Variants in TAF15 observed in about 807,000 individuals in gnomAD.
The protein encoded by TAF15 is TATA-box binding protein associated factor 15.
TAF15 carries 37 observed loss-of-function variants against 102.5 expected under a neutral mutation model. The observed-to-expected ratio is 0.36, with a 90% CI of 0.28 to 0.47. The LOEUF is 0.47. Among genes scored for constraint, TAF15 ranks in the 20% least tolerant of loss-of-function variants. The probability of loss-of-function intolerance (pLI) is 0.99; values close to 1 mark genes in which losing one functional copy is unlikely to be tolerated. For missense variants in TAF15, 652 were observed against 760.7 expected (o/e 0.86, Z 1.68); for synonymous variants, 273 against 259.2 (o/e 1.05, Z -0.51).
intron 11 of TAF15, among the ~76,000 whole-genome samples, 164 bp downstream of exon 11, chr17:35,838,717 C>G (rs974690193): frequency 5.3e-5 from 8 of 152,158 alleles, no homozygotes; most frequent in African/African-American, 1.7e-4. Flanking sequence ...GAGATGAGCT[C>G]TATCGTTGTT....
chr17:35,841,320 A>G (rs1042200743), intron 11 of TAF15, among the ~76,000 whole-genome samples: 2 of 152,198 alleles, frequency 1.3e-5, no homozygotes, highest in Admixed American at 6.5e-5. Context: ...AAATACGTAC[A>G]TGTTACTGCA....
chr17:35,840,738 C>T (rs1019405419), intron 11 of TAF15, among the ~76,000 whole-genome samples: 1 of 151,938 alleles, frequency 6.6e-6, no homozygotes, highest in African/African-American at 2.4e-5. Flanking sequence ...GTGGTGAGCA[C>T]CTGTAATCCC....
chr17:35,816,352 T>C, intron 1 of TAF15, among the ~76,000 whole-genome samples: 1 of 152,170 alleles, frequency 6.6e-6, no homozygotes. Context: ...AAATTAAAAA[T>C]AGCTGGGCGT....
intron 2 of TAF15, chr17:35,818,661 A>G (rs2087223045): frequency 6.6e-6 from 1 of 152,068 alleles, no homozygotes; most frequent in Admixed American, 6.6e-5. Context: ...AATTTTTTTA[A>G]TTATCCAGAC....
chr17:35,842,259 C>T, intron 11 of TAF15, 108 bp from the exon 12 acceptor site: 1 of 782,332 alleles, frequency 1.3e-6, no homozygotes. Context: ...TCTGTGAGGA[C>T]ATGTCAGTTA....
At chr17:35,831,283 T>G (rs916293944) in intron 7 of TAF15, among the ~76,000 whole-genome samples, 2 of 151,836 alleles carry the variant, frequency 1.3e-5, no homozygotes, top group Admixed American at 1.3e-4. Flanking sequence ...GGCGGGCGCC[T>G]GTAGTCCCAG....
At chr17:35,817,245 C>A in intron 1 of TAF15, 1 of 144,696 alleles carries the variant, frequency 6.9e-6, no homozygotes, top group Non-Finnish European at 1.5e-5. Context: ...TTTAGCAAGT[C>A]TTTGGAAATA....
At chr17:35,842,272 C>T (rs1240663406) in intron 11 of TAF15, 95 bp from the exon 12 acceptor site, 1 of 894,304 alleles carries the variant, frequency 1.1e-6, no homozygotes, top group Non-Finnish European at 1.8e-6. Context: ...GTCAGTTACT[C>T]CTCTGAAACT....
chr17:35,831,938 C>T (rs1195593268), intron 7 of TAF15, among the ~76,000 whole-genome samples: 1 of 152,034 alleles, frequency 6.6e-6, no homozygotes, highest in Non-Finnish European at 1.5e-5. Flanking sequence ...AAAAATTAGC[C>T]GGGCGTGGTG....
chr17:35,822,734 TATG>T lies in TAF15; in HGVS notation c.390_392del (p.Asp130del), dbSNP rs1288584950. 6.2e-7 allele frequency: 1 copy of T among 1,614,198 alleles called. No homozygotes were observed. Among genetic ancestry groups the T allele is most frequent in the East Asian group, 2.2e-5 (1 of 44,876 alleles). On this transcript the variant is annotated inframe_deletion, in exon 6 of 16. Transcript: ENST00000605844. Reference sequence around the variant, plus strand: ...AGGCTATGATCAACATCAAGGCTCATATGATGAGCAGTCAAATTATGATCAGCA... The same window carrying T: ...AGGCTATGATCAACATCAAGGCTCATATGAGCAGTCAAATTATGATCAGCA...
chr17:35,823,769 G>T, intron 6 of TAF15: 2 of 335,786 alleles, frequency 6.0e-6, no homozygotes, highest in East Asian at 6.6e-5. Context: ...TAAGGTTCTT[G>T]TAGCTAAGAT....
At chr17:35,824,411 G>C (rs1477563502) in intron 7 of TAF15, 3 of 602,020 alleles carry the variant, frequency 5.0e-6, no homozygotes, top group Admixed American at 3.1e-5. Context: ...TTAGTAGTTA[G>C]TTTATGTGGT....
At chr17:35,825,610 G>A (rs936408958) in intron 7 of TAF15, among the ~76,000 whole-genome samples, 17 of 152,186 alleles carry the variant, frequency 1.1e-4, no homozygotes, top group African/African-American at 4.1e-4. Context: ...CTGTGTCTAA[G>A]AATGGTGGAA....
chr17:35,810,939 T>A (rs971441881), intron 1 of TAF15: 10 of 152,242 alleles, frequency 6.6e-5, no homozygotes, highest in African/African-American at 2.4e-4. Context: ...GCTTAATCCT[T>A]GCTCAAACAA....
intron 1 of TAF15, chr17:35,811,348 C>G (rs1345038040): frequency 6.6e-6 from 1 of 151,996 alleles, no homozygotes; most frequent in Admixed American, 6.6e-5. Flanking sequence ...TTTTGTAGTT[C>G]GAGTATTTTT....
intron 7 of TAF15, among the ~76,000 whole-genome samples, chr17:35,827,794 T>G (rs1474227054): frequency 2.6e-5 from 4 of 152,128 alleles, no homozygotes; most frequent in African/African-American, 9.7e-5. Context: ...GATGGTGTGA[T>G]TGCCTGGCTA....
rs775104921 is a variant in TAF15, at chr17:35,820,395, A to G, written c.248A>G (p.Tyr83Cys). 1.9e-6 allele frequency: 3 copies of G among 1,614,116 alleles called. No homozygotes were observed. Among genetic ancestry groups the G allele is most frequent in the South Asian group, 1.1e-5 (1 of 91,086 alleles). ...QKQSSYSQQP[Y>C]NNQGQQQNME... is the part of the protein sequence containing the mutation. ...CAGAGCTCATATAGCCAGCAACCATATAATAACCAGGGACAGCAGCAAAAC... is the reference window on the plus strand; with the variant it reads ...CAGAGCTCATATAGCCAGCAACCATGTAATAACCAGGGACAGCAGCAAAAC... The change falls in exon 5 of 16, where the codon TAT (tyrosine) becomes TGT (cysteine). Residue 83 changes from tyrosine to cysteine, a missense_variant. Physicochemically the swap from Tyr to Cys is radical, Grantham distance 194 (BLOSUM62 -2). This residue lies in a region of TAF15 where 243 missense variants were observed against 284.1 expected (regional missense o/e 0.86). Coordinates refer to ENST00000605844, the MANE Select transcript of TAF15 (RefSeq NM_139215.3).
intron 1 of TAF15, chr17:35,809,965 C>G (rs1257493101): frequency 1.6e-5 from 6 of 372,380 alleles, no homozygotes; most frequent in Non-Finnish European, 3.0e-5. Context: ...CGCCTCGGAT[C>G]TTTCAGCGAG....
intron 11 of TAF15, among the ~76,000 whole-genome samples, chr17:35,841,715 G>GGA (rs773200764): frequency 1.1e-5 from 1 of 92,836 alleles, no homozygotes; most frequent in Non-Finnish European, 2.3e-5. Context: ...TTTTTTTTTT[G>GGA]GAGAGAGAGT....
Sources: allele counts gnomAD v4.1 joint callset (sites outside exome capture counted in the v4.1 genomes callset), GRCh38; gene constraint gnomAD v4.1.1; regional missense constraint gnomAD v4.1.1; transcripts MANE v1.5; gene names NCBI Gene and HGNC (gene_info 2026-07-23, HGNC 2026-07-21).